ELOVL7: variants seen among roughly 807,000 people sequenced by gnomAD.
The protein encoded by ELOVL7 is very long chain fatty acid elongase 7.
A neutral mutation model predicts 35.7 loss-of-function variants in ELOVL7; 27 were observed. That is an observed-to-expected ratio of 0.76 (90% CI 0.56 to 1.04). The LOEUF is 1.04. Ranked by LOEUF, ELOVL7 falls within the 50% of genes least tolerant of loss-of-function variation. ELOVL7 has a pLI of 0.00. For synonymous variants in ELOVL7, 113 were observed against 114.6 expected, an observed-to-expected ratio of 0.99 and a Z score of 0.09; for missense variants, 327 against 340.8, an observed-to-expected ratio of 0.96 and a Z score of 0.32.
chr5:60,767,710 C>T (rs898406185), intron 5 of ELOVL7, 113 bp downstream of exon 5: 14 of 663,356 alleles, frequency 2.1e-5, no homozygotes, highest in Middle Eastern at 2.6e-4. Context: ...ACAACACACA[C>T]AATCTGATAA....
intron 2 of ELOVL7, 21 bp downstream of exon 2, chr5:60,799,159 G>A (rs979264087): frequency 1.3e-5 from 2 of 151,924 alleles, no homozygotes; most frequent in African/African-American, 4.8e-5. Context: ...TGAGACAAAT[G>A]AAAATGAAAA....
chr5:60,825,887 T>C, intron 1 of ELOVL7, among the ~76,000 whole-genome samples: 1 of 152,344 alleles, frequency 6.6e-6, no homozygotes, highest in Non-Finnish European at 1.5e-5. Context: ...TGGGAATCCA[T>C]AGCCTTAAAT....
chr5:60,843,839 G>C (rs990510108), intron 1 of ELOVL7, among the ~76,000 whole-genome samples: 9 of 152,028 alleles, frequency 5.9e-5, no homozygotes, highest in African/African-American at 2.2e-4. Context: ...CCTTCCCTTC[G>C]GGATGCTGCC....
intron 7 of ELOVL7, among the ~76,000 whole-genome samples, chr5:60,759,448 A>G (rs913261402): frequency 6.6e-6 from 1 of 152,162 alleles, no homozygotes. Flanking sequence ...TGAGGAGTCA[A>G]GGTGCTTAAA....
intron 2 of ELOVL7, among the ~76,000 whole-genome samples, chr5:60,787,803 A>C (rs912076978): frequency 6.6e-6 from 1 of 152,244 alleles, no homozygotes; most frequent in African/African-American, 2.4e-5. Flanking sequence ...CTGGAGAAGA[A>C]AGTCAAGAGA....
intron 7 of ELOVL7, among the ~76,000 whole-genome samples, chr5:60,763,760 T>A (rs1245108877): frequency 6.6e-6 from 1 of 152,120 alleles, no homozygotes; most frequent in South Asian, 2.1e-4. Flanking sequence ...ATTTGACACA[T>A]CTTTAAAGAG....
At chr5:60,819,032 AGGG>A (rs1745710664) in intron 1 of ELOVL7, among the ~76,000 whole-genome samples, 1 of 58 alleles carries the variant, frequency 0.017, no homozygotes. Context: ...AGGGGAGGGG[AGGG>A]GAGGGGAGGG....
At position 60,780,841 on chromosome 5, in the gene ELOVL7, T is replaced by G. The variant is rs1173360448; in HGVS notation, c.64+6493A>C. On this transcript the variant is annotated intron_variant, in intron 3 of 8. Transcript: ENST00000508821. Reference sequence around the variant, plus strand: ...GGGTCCCTCCCACGACATGTGGGAATTATGGGAACTACAGTTCAAGATGAG... The same window carrying G: ...GGGTCCCTCCCACGACATGTGGGAAGTATGGGAACTACAGTTCAAGATGAG... 1.3e-5 allele frequency among the ~76,000 whole-genome samples: 2 copies of G among 152,052 alleles called. 1 individual carries two copies. The highest frequency in any genetic ancestry group is 4.2e-4 in the South Asian group (2 of 4,808).
chr5:60,795,610 C>T (rs1401424021), intron 2 of ELOVL7, among the ~76,000 whole-genome samples: 1 of 152,208 alleles, frequency 6.6e-6, no homozygotes, highest in African/African-American at 2.4e-5. Flanking sequence ...TGAACTTTCG[C>T]TCACCATCCA....
At chr5:60,759,085 A>G (rs1741722102) in intron 7 of ELOVL7, among the ~76,000 whole-genome samples, 1 of 152,192 alleles carries the variant, frequency 6.6e-6, no homozygotes, top group Non-Finnish European at 1.5e-5. Flanking sequence ...GCAATTCTAG[A>G]TATTTCTAGA....
chr5:60,763,990 T>C (rs1275162288), intron 7 of ELOVL7, among the ~76,000 whole-genome samples: 1 of 152,052 alleles, frequency 6.6e-6, no homozygotes, highest in Non-Finnish European at 1.5e-5. Flanking sequence ...ACAAAACAAC[T>C]AAAGAATATG....
rs909930126 is a variant in ELOVL7, at chr5:60,753,373, C to T, written c.*1251G>A. The T allele has an allele frequency of 2.6e-5, 4 of 152,080 alleles. No homozygotes were observed. Among genetic ancestry groups the T allele is most frequent in the African/African-American group, 9.7e-5 (4 of 41,398 alleles). 9.4% of individuals were successfully genotyped at this position (152,080 alleles called of 1,614,324 possible). A position where few individuals can be genotyped will look rare whatever the true frequency, so the allele number is the denominator to read the frequency against. ...AAGTGTATGCCAAACGAATTTCAGTCCTTCATTACATGGTTTATAGGTCTG... is the reference window on the plus strand; with the variant it reads ...AAGTGTATGCCAAACGAATTTCAGTTCTTCATTACATGGTTTATAGGTCTG... On this transcript the variant is annotated 3_prime_UTR_variant, in exon 9 of 9. Coordinates refer to ENST00000508821, the MANE Select transcript of ELOVL7 (RefSeq NM_024930.3).
chr5:60,754,900 T>C, intron 8 of ELOVL7, 67 bp from the exon 9 acceptor site: 2 of 1,362,172 alleles, frequency 1.5e-6, no homozygotes, highest in Non-Finnish European at 2.1e-6. Flanking sequence ...TACCTACCTA[T>C]GTTTATGCAC....
At chr5:60,757,669 A>G (rs779731231) in intron 7 of ELOVL7, 24 bp from the exon 8 acceptor site, 2 of 1,534,118 alleles carry the variant, frequency 1.3e-6, no homozygotes, top group Non-Finnish European at 1.8e-6. Flanking sequence ...TTATTGTAAC[A>G]TGGGGCCATT....
intron 3 of ELOVL7, among the ~76,000 whole-genome samples, chr5:60,781,053 T>C (rs1372651308): frequency 1.3e-5 from 2 of 151,542 alleles, no homozygotes; most frequent in Admixed American, 6.6e-5. Context: ...CTACGAAAAA[T>C]ACAAAAATTA....
At chr5:60,768,410 C>T (rs1273421087) in intron 4 of ELOVL7, among the ~76,000 whole-genome samples, 2 of 152,216 alleles carry the variant, frequency 1.3e-5, no homozygotes, top group African/African-American at 4.8e-5. Context: ...CTTTTCCCAT[C>T]ATTGGCTGGT....
In ELOVL7 at chr5:60,772,239, A is replaced by C. The variant is rs558622490; in HGVS notation, c.65-146T>G. 18 of 584,408 alleles carry C rather than the reference A, an allele frequency of 3.1e-5. No individual in the cohort carries two copies. In the East Asian group the frequency reaches 4.1e-4, roughly 13 times the overall value. The allele number at this position is 584,408 out of a possible 1,614,324, so 36.2% of individuals were successfully genotyped here. On this transcript the variant is annotated intron_variant, in intron 3 of 8. Coordinates refer to ENST00000508821, the MANE Select transcript of ELOVL7 (RefSeq NM_024930.3). ...ATCACTAGTATCTTTAGAAAGGTGA[A>C]AAAGAAATCAACAGGAATAAGGAAG...
At chr5:60,786,958 TA>T (rs879291486) in intron 3 of ELOVL7, among the ~76,000 whole-genome samples, 445 of 137,426 alleles carry the variant, frequency 3.2e-3, no homozygotes, top group Middle Eastern at 7.5e-3. Flanking sequence ...GACTCTGTCT[TA>T]AAAAAAAAAA....
At chr5:60,762,323 A>AG (rs2112142704) in intron 7 of ELOVL7, among the ~76,000 whole-genome samples, 1 of 143,972 alleles carries the variant, frequency 6.9e-6, no homozygotes, top group Non-Finnish European at 1.5e-5. Context: ...AAAAAAAAAA[A>AG]TTGAAGTATA....
Sources: allele counts gnomAD v4.1 joint callset (sites outside exome capture counted in the v4.1 genomes callset), GRCh38; gene constraint gnomAD v4.1.1; transcripts MANE v1.5; gene names NCBI Gene and HGNC (gene_info 2026-07-23, HGNC 2026-07-21).